Variants in SEPTIN10 observed in about 807,000 individuals in gnomAD.
SEPTIN10 encodes septin 10.
In SEPTIN10, 66 loss-of-function variants were observed where a neutral mutation model predicts 54.8. The observed-to-expected ratio is 1.21, with a 90% confidence interval of 0.99 to 1.48. The LOEUF (loss-of-function observed/expected upper bound fraction) is 1.48. SEPTIN10 is among the 40% of genes most tolerant of loss of function. SEPTIN10 has a pLI of 0.00. For synonymous variants in SEPTIN10, 161 were observed against 181.0 expected (o/e 0.89, Z 0.89); for missense variants, 620 against 545.6 (o/e 1.14, Z -1.36).
At chr2:109,566,871 ATTAC>A (rs1306162866) in intron 6 of SEPTIN10, among the ~76,000 whole-genome samples, 9 of 152,196 alleles carry the variant, frequency 5.9e-5, no homozygotes, top group Admixed American at 1.3e-4. Context: ...AAAATTATTA[ATTAC>A]TATGTTTAAT....
At chr2:109,581,183 T>C (rs1011983791) in intron 4 of SEPTIN10, among the ~76,000 whole-genome samples, 2 of 152,214 alleles carry the variant, frequency 1.3e-5, no homozygotes, top group African/African-American at 4.8e-5. Context: ...CTCACGCCTG[T>C]AATCCCAGCA....
At chr2:109,557,851 CT>C (rs202104089) in intron 8 of SEPTIN10, among the ~76,000 whole-genome samples, 393 of 140,708 alleles carry the variant, frequency 2.8e-3, no homozygotes, top group African/African-American at 5.8e-3. Context: ...TCATAATTTT[CT>C]TTTTTTTTTT....
intron 8 of SEPTIN10, among the ~76,000 whole-genome samples, chr2:109,555,301 C>T (rs1368294821): frequency 6.6e-6 from 1 of 152,176 alleles, no homozygotes; most frequent in Admixed American, 6.5e-5. Flanking sequence ...ATATCCTATC[C>T]TCAGGTTTCA....
At chr2:109,554,657 G>T (rs1218622369) in intron 8 of SEPTIN10, among the ~76,000 whole-genome samples, 1 of 152,106 alleles carries the variant, frequency 6.6e-6, no homozygotes, top group East Asian at 1.9e-4. Context: ...CCATCGCCGG[G>T]AATCAATTTT....
At chr2:109,593,020 A>G in intron 2 of SEPTIN10, 31 bp downstream of exon 2, 7 of 1,439,200 alleles carry the variant, frequency 4.9e-6, no homozygotes, top group Non-Finnish European at 5.6e-6. Context: ...TTTAGAGTAC[A>G]ATATGGTATC....
intron 8 of SEPTIN10, among the ~76,000 whole-genome samples, chr2:109,561,402 A>G (rs1685628391): frequency 1.3e-5 from 2 of 152,182 alleles, no homozygotes; most frequent in South Asian, 4.1e-4. Flanking sequence ...TATCACAGCT[A>G]CAATGTACTG....
chr2:109,551,128 C>T (rs1009945611), intron 9 of SEPTIN10, among the ~76,000 whole-genome samples: 2 of 152,118 alleles, frequency 1.3e-5, no homozygotes, highest in East Asian at 1.9e-4. Flanking sequence ...AGAACGTCAA[C>T]GATATTTGGA....
At chr2:109,545,825 T>C in intron 10 of SEPTIN10, 7 of 1,429,346 alleles carry the variant, frequency 4.9e-6, no homozygotes, top group Non-Finnish European at 6.4e-6. Context: ...CATTCATTCA[T>C]TTTGGCAAAT....
intron 9 of SEPTIN10, among the ~76,000 whole-genome samples, chr2:109,549,388 GA>G (rs1226159709): frequency 2.0e-5 from 3 of 152,094 alleles, no homozygotes. Context: ...AAAATTCCAG[GA>G]AAACTACAAA....
chr2:109,544,230 A>G lies in SEPTIN10; in HGVS notation c.*79T>C. On this transcript the variant is annotated 3_prime_UTR_variant, in exon 11 of 11. Coordinates refer to ENST00000397712, the MANE Select transcript of SEPTIN10 (RefSeq NM_144710.5). ...TAGAAGTGATAAAACAAATAACAGC[A>G]AAATCAAAGCACACTTCTAGTTTTT... is the stretch of plus-strand genomic sequence containing the variant. 2 of 1,612,010 alleles carry G rather than the reference A, an allele frequency of 1.2e-6. No homozygotes were observed. The highest frequency in any genetic ancestry group is 1.7e-6 in the Non-Finnish European group (2 of 1,179,280).
chr2:109,564,253 A>G lies in SEPTIN10; in HGVS notation c.1028+113T>C, dbSNP rs113379786. 4.1e-3 allele frequency: 3,907 copies of G among 957,958 alleles called. 93 individuals carry two copies. In the African/African-American group the frequency reaches 0.058, roughly 14 times the overall value. The allele number at this position is 957,958 out of a possible 1,614,324, so 59.3% of individuals were successfully genotyped here. On this transcript the variant is annotated intron_variant, in intron 8 of 10. Coordinates refer to ENST00000397712, the MANE Select transcript of SEPTIN10 (RefSeq NM_144710.5). The stretch of plus-strand genomic sequence containing the variant: ...ATTAGTCATTACCAAATGATTCTAT[A>G]TCATGGTTTTGGGAGATTCTAAAGA...
intron 4 of SEPTIN10, among the ~76,000 whole-genome samples, chr2:109,582,045 C>T (rs1319059764): frequency 2.6e-5 from 4 of 151,180 alleles, no homozygotes; most frequent in Non-Finnish European, 4.4e-5. Context: ...AGCTGAGAGC[C>T]GTATCAAGAA....
intron 2 of SEPTIN10, among the ~76,000 whole-genome samples, chr2:109,590,361 C>T (rs1362262231): frequency 3.9e-5 from 6 of 151,926 alleles, no homozygotes; most frequent in Admixed American, 3.3e-4. Context: ...GATTAAGGTC[C>T]CAAACCAGTC....
intron 5 of SEPTIN10, among the ~76,000 whole-genome samples, chr2:109,571,398 C>T (rs77672129): frequency 6.6e-6 from 1 of 152,148 alleles, no homozygotes; most frequent in Non-Finnish European, 1.5e-5. Flanking sequence ...GCCTATGACA[C>T]ACCTAGGCTG....
At chr2:109,544,517 GGTCCTGATTTT>G in intron 10 of SEPTIN10, 193 bp from the exon 11 acceptor site, 3 of 985,036 alleles carry the variant, frequency 3.0e-6, no homozygotes, top group Non-Finnish European at 3.6e-6. Flanking sequence ...ATATGGGCTT[GGTCCTGATTTT>G]GCAAACAACA....
At position 109,564,502 on chromosome 2, in the gene SEPTIN10, G is replaced by T; in HGVS notation, c.892C>A (p.Leu298Met). 1.3e-6 allele frequency: 2 copies of T among 1,552,352 alleles called. No individual in the cohort carries two copies. Among genetic ancestry groups the T allele is most frequent in the South Asian group, 1.2e-5 (1 of 80,170 alleles). The change falls in exon 8 of 11, where the codon CTG becomes ATG. Residue 298 changes from leucine (L) to methionine (M), a missense_variant. By Grantham distance (15) the Leu-to-Met change is conservative. Transcript: ENST00000397712. ...TTTGTACAAATGAGCATTTCCCGCA[G>T]CTTTACAAAGTCACAGTGGTTTTCA... ...ENENHCDFVK[L>M]REMLICTNME... is the part of the protein sequence containing the mutation.
intron 9 of SEPTIN10, among the ~76,000 whole-genome samples, chr2:109,551,925 T>A (rs138969950): frequency 2.1e-3 from 317 of 152,320 alleles, no homozygotes; most frequent in African/African-American, 6.7e-3. Context: ...CCCAAGGTCA[T>A]CTAGACCAGG....
intron 9 of SEPTIN10, among the ~76,000 whole-genome samples, chr2:109,547,091 CA>C (rs2104576175): frequency 6.6e-6 from 1 of 152,226 alleles, no homozygotes; most frequent in African/African-American, 2.4e-5. Flanking sequence ...GGTTAACCAC[CA>C]AAGACAACTT....
chr2:109,611,279 G>C (rs1168226973), intron 1 of SEPTIN10, among the ~76,000 whole-genome samples: 1 of 152,132 alleles, frequency 6.6e-6, no homozygotes, highest in African/African-American at 2.4e-5. Flanking sequence ...GTTAGGCAAA[G>C]AGTTCTTAAA....
Sources: allele counts gnomAD v4.1 joint callset (sites outside exome capture counted in the v4.1 genomes callset), GRCh38; gene constraint gnomAD v4.1.1; transcripts MANE v1.5; gene names NCBI Gene and HGNC (gene_info 2026-07-23, HGNC 2026-07-21).